LAMB1: variants seen among roughly 807,000 people sequenced by gnomAD.
The protein encoded by LAMB1 is laminin subunit beta 1.
In LAMB1, 121 loss-of-function variants were observed where a neutral mutation model predicts 222.3. That is an observed-to-expected ratio of 0.54 (90% CI 0.47 to 0.63). The LOEUF is 0.63. Among genes scored for constraint, LAMB1 ranks in the 30% least tolerant of loss-of-function variants. LAMB1 has a pLI of 0.00. For synonymous variants in LAMB1, 794 were observed against 807.2 expected (o/e 0.98, Z 0.28); for missense variants, 2,172 against 2,240.8 (o/e 0.97, Z 0.62).
At chr7:107,966,402 G>T (rs561928571) in intron 13 of LAMB1, among the ~76,000 whole-genome samples, 39 of 151,970 alleles carry the variant, frequency 2.6e-4, no homozygotes, top group African/African-American at 8.7e-4. Context: ...GTAGAGACAG[G>T]GTTTCACCAT....
At chr7:107,998,225 C>T in intron 4 of LAMB1, 132 bp downstream of exon 4, 1 of 788,540 alleles carries the variant, frequency 1.3e-6, no homozygotes, top group South Asian at 2.1e-5. Context: ...GTGCTCCAGG[C>T]AGTCAATCTG....
intron 24 of LAMB1, among the ~76,000 whole-genome samples, chr7:107,948,039 G>A (rs1010009780): frequency 6.9e-6 from 1 of 144,312 alleles, no homozygotes; most frequent in Admixed American, 7.2e-5. Flanking sequence ...CTGGAGGGCA[G>A]TGGCACGATC....
At chr7:107,987,857 C>T (rs1202775877) in intron 5 of LAMB1, among the ~76,000 whole-genome samples, 1 of 152,166 alleles carries the variant, frequency 6.6e-6, no homozygotes. Context: ...GTGGAGGCGG[C>T]TGCACGTGGC....
At chr7:107,954,657 G>A (rs548836029) in intron 21 of LAMB1, among the ~76,000 whole-genome samples, 3 of 152,270 alleles carry the variant, frequency 2.0e-5, no homozygotes, top group Non-Finnish European at 2.9e-5. Context: ...GGGGCATGGT[G>A]GCAGGTGCCT....
intron 5 of LAMB1, among the ~76,000 whole-genome samples, chr7:107,994,112 G>A (rs918539398): frequency 6.6e-6 from 1 of 152,202 alleles, no homozygotes. Context: ...ATTCAAAAGT[G>A]ATTTTTAATC....
rs928402635 is a variant in LAMB1, at chr7:107,959,819, G to C, written c.2330C>G (p.Pro777Arg). The change falls in exon 19 of 34, where the codon CCT becomes CGT. Residue 777 changes from proline (P) to arginine (R), a missense_variant. By Grantham distance (103) the Pro-to-Arg change is moderately radical. Coordinates refer to ENST00000222399, the MANE Select transcript of LAMB1 (RefSeq NM_002291.3). The part of the protein sequence containing the change: ...HQTGLACECD[P>R]QGSLSSVCDP... Reference sequence around the variant, plus strand: ...ACACACGGAACTTAACGAACCCTGAGGGTCGCATTCACAAGCTGTGGGTAA... The same window carrying C: ...ACACACGGAACTTAACGAACCCTGACGGTCGCATTCACAAGCTGTGGGTAA... 4 of 1,613,202 alleles carry C rather than the reference G, an allele frequency of 2.5e-6. No individual in the cohort carries two copies. The highest frequency in any genetic ancestry group is 4.5e-5 in the East Asian group (2 of 44,866).
In LAMB1 at chr7:107,961,337, C is replaced by T. The variant is rs2033495364; in HGVS notation, c.1986-8G>A. The T allele has an allele frequency of 6.2e-7, 1 of 1,605,384 alleles. No individual in the cohort carries two copies. Among genetic ancestry groups the T allele is most frequent in the African/African-American group, 1.3e-5 (1 of 74,188 alleles). ...CGAGGAAGGACGACATATCTGCCCCCAAACAAAAAAGAAAGACAACAACGA... is the reference window on the plus strand; with the variant it reads ...CGAGGAAGGACGACATATCTGCCCCTAAACAAAAAAGAAAGACAACAACGA... On this transcript the variant is annotated splice_region_variant and splice_polypyrimidine_tract_variant and intron_variant, in intron 16 of 33. Transcript: ENST00000222399.
chr7:107,941,861 G>T (rs4730282), intron 24 of LAMB1, among the ~76,000 whole-genome samples: 3 of 97,788 alleles, frequency 3.1e-5, no homozygotes, highest in Admixed American at 1.4e-4. Flanking sequence ...TTTTTTTTAA[G>T]AGACGGTGTT....
chr7:107,924,416 A>G (rs757588154), intron 32 of LAMB1, 27 bp from the exon 33 acceptor site: 31 of 1,564,396 alleles, frequency 2.0e-5, no homozygotes, highest in Non-Finnish European at 5.2e-6. Context: ...AGACAGAAAG[A>G]AGTGGTAATG....
At chr7:107,935,692 C>T (rs771672550) in intron 26 of LAMB1, 36 bp from the exon 27 acceptor site, 18 of 1,604,112 alleles carry the variant, frequency 1.1e-5, no homozygotes, top group Non-Finnish European at 1.4e-5. Context: ...CAGTTAACCT[C>T]ATCATACTAG....
chr7:107,955,648 G>A lies in LAMB1; in HGVS notation c.2691-18C>T, dbSNP rs192562218. ...CCAAGCACCTGCATCAGTCACAGAA[G>A]AGAACAGGCCATGACCCCACAGTTC... On this transcript the variant is annotated intron_variant, in intron 20 of 33. Transcript: ENST00000222399. 92 of 1,606,888 alleles carry A rather than the reference G, an allele frequency of 5.7e-5. No homozygotes were observed. In the East Asian group the frequency reaches 1.5e-3, roughly 26 times the overall value.
At chr7:107,943,241 G>C (rs2033034143) in intron 24 of LAMB1, among the ~76,000 whole-genome samples, 1 of 152,130 alleles carries the variant, frequency 6.6e-6, no homozygotes, top group African/African-American at 2.4e-5. Flanking sequence ...ACTCAGAAGA[G>C]TTCTGCAGGA....
At chr7:107,924,120 CA>C in intron 33 of LAMB1, 33 bp from the exon 34 acceptor site, 1 of 1,519,644 alleles carries the variant, frequency 6.6e-7, no homozygotes, top group Middle Eastern at 1.8e-4. Context: ...AAAGTCTGAG[CA>C]ATTTATACTA....
At chr7:107,935,347 GTTTTTTTTTTTT>G (rs200599445) in intron 27 of LAMB1, 56 bp downstream of exon 27, 20,874 of 1,138,706 alleles carry the variant, frequency 0.018, 43 homozygotes, top group Non-Finnish European at 0.02. Context: ...GTTTTTCTTT[GTTTTTTTTTTTT>G]TTTTTTTTTT....
At chr7:107,926,136 G>A (rs1449939464) in intron 32 of LAMB1, 47 bp downstream of exon 32, 2 of 1,458,960 alleles carry the variant, frequency 1.4e-6, no homozygotes, top group Non-Finnish European at 1.9e-6. Flanking sequence ...GAGGAGACTG[G>A]TGGCTCCTTT....
rs752641165 is a variant in LAMB1, at chr7:107,961,218, C to A, written c.2097G>T (p.Thr699=). The A allele has an allele frequency of 1.9e-6, 3 of 1,614,108 alleles. No homozygotes were observed. The highest frequency in any genetic ancestry group is 2.2e-5 in the South Asian group (2 of 91,068). ...ATCTCGCACTTACAGAATCGATCAG[C>A]GTGTAGGGGCTCTCCACGTCGCTAT... ...SSDSDVESPY[T]LIDSLVLMPY... The change falls in exon 17 of 34, where the codon ACG becomes ACT. Residue 699 remains threonine (T), a synonymous_variant. Transcript: ENST00000222399.
intron 5 of LAMB1, among the ~76,000 whole-genome samples, chr7:107,986,747 C>T (rs535852409): frequency 1.4e-4 from 21 of 152,298 alleles, no homozygotes; most frequent in African/African-American, 5.1e-4. Context: ...AAAGGTATGA[C>T]TACCTCCTTA....
chr7:108,002,370 C>T, intron 2 of LAMB1: 2 of 1,317,260 alleles, frequency 1.5e-6, no homozygotes, highest in Non-Finnish European at 2.0e-6. Context: ...AGGGAAGCGC[C>T]AGGTCCTGCT....
chr7:107,924,212 C>T lies in LAMB1; in HGVS notation c.5224+18G>A. On this transcript the variant is annotated intron_variant, in intron 33 of 33. Transcript: ENST00000222399. ...CCTTAAAGTAATTTAAAAAATAAGC[C>T]TGTGTGAAAAGACCCACCTTTGAGC... 2 of 1,578,720 alleles carry T rather than the reference C, an allele frequency of 1.3e-6. No individual in the cohort carries two copies. The highest frequency in any genetic ancestry group is 1.7e-6 in the Non-Finnish European group (2 of 1,169,684).
Sources: allele counts gnomAD v4.1 joint callset (sites outside exome capture counted in the v4.1 genomes callset), GRCh38; gene constraint gnomAD v4.1.1; transcripts MANE v1.5; gene names NCBI Gene and HGNC (gene_info 2026-07-23, HGNC 2026-07-21).